Variants in MMD2 observed in about 807,000 individuals in gnomAD.
MMD2 encodes monocyte to macrophage differentiation associated 2.
MMD2 carries 30 observed loss-of-function variants against 33.5 expected under a neutral mutation model. The ratio of observed to expected loss-of-function variants is 0.90; its 90% CI spans 0.67 to 1.22. The LOEUF (loss-of-function observed/expected upper bound fraction) is 1.22. Ranked by LOEUF, MMD2 falls within the 50% of genes most tolerant of loss-of-function variation. MMD2 has a pLI of 0.00. For missense variants in MMD2, 364 were observed against 325.4 expected (o/e 1.12, Z -0.91); for synonymous variants, 129 against 123.0 (o/e 1.05, Z -0.32).
At chr7:4,935,717 T>C (rs1785723431) in intron 1 of MMD2, among the ~76,000 whole-genome samples, 1 of 150,838 alleles carries the variant, frequency 6.6e-6, no homozygotes, top group African/African-American at 2.4e-5. Flanking sequence ...TTGTATACGT[T>C]GATGGTGCTA....
downstream of MMD2, among the ~76,000 whole-genome samples, chr7:4,903,968 T>A (rs887930051): frequency 6.6e-6 from 1 of 152,200 alleles, no homozygotes; most frequent in Non-Finnish European, 1.5e-5. Context: ...GTTTCGCTTT[T>A]GTTGCCCAGG....
At chr7:4,926,070 T>C (rs556508155) in intron 1 of MMD2, among the ~76,000 whole-genome samples, 1 of 151,980 alleles carries the variant, frequency 6.6e-6, no homozygotes, top group Non-Finnish European at 1.5e-5. Flanking sequence ...CCTTCCCAAG[T>C]GCTGGGATTA....
At chr7:4,958,218 A>G (rs1160965701) in intron 1 of MMD2, among the ~76,000 whole-genome samples, 1 of 152,146 alleles carries the variant, frequency 6.6e-6, no homozygotes, top group Non-Finnish European at 1.5e-5. Context: ...CAACTTTAGG[A>G]GGGGATTTTT....
At chr7:4,922,131 C>T (rs1785302174) in intron 2 of MMD2, among the ~76,000 whole-genome samples, 1 of 152,006 alleles carries the variant, frequency 6.6e-6, no homozygotes, top group Non-Finnish European at 1.5e-5. Flanking sequence ...GAGGCTGAGG[C>T]AGGAGAATCG....
At chr7:4,958,394 C>G (rs1213984470) in intron 1 of MMD2, among the ~76,000 whole-genome samples, 1 of 152,130 alleles carries the variant, frequency 6.6e-6, no homozygotes, top group Non-Finnish European at 1.5e-5. Flanking sequence ...ACAAAAGAGA[C>G]GGAGGTTCTG....
intron 1 of MMD2, among the ~76,000 whole-genome samples, chr7:4,932,659 G>A (rs1425101121): frequency 3.1e-4 from 45 of 145,768 alleles, no homozygotes; most frequent in African/African-American, 1.1e-3. Context: ...GTTTTGCTCT[G>A]TCGCCCAGAC....
intron 6 of MMD2, among the ~76,000 whole-genome samples, chr7:4,909,387 G>C (rs1452257861): frequency 6.8e-6 from 1 of 147,652 alleles, no homozygotes; most frequent in East Asian, 2.0e-4. Context: ...CGCCAGACCA[G>C]GAATTCAAGA....
Position 4,921,540 on chromosome 7 carries a change from G to T in MMD2, c.130-1209C>A, listed in dbSNP as rs370414422. 3.3e-5 allele frequency among the ~76,000 whole-genome samples: 5 copies of T among 150,168 alleles called. No individual in the cohort carries two copies. The South Asian group carries it at 8.5e-4, about 26-fold the overall frequency. ...GGAGGCTGAGGCAGGAGAATTGCTT[G>T]AACCCAGGAGGTGGAGATTGCAGTG... On this transcript the variant is annotated intron_variant, in intron 2 of 6. Coordinates refer to ENST00000401401, the MANE Select transcript of MMD2 (RefSeq NM_198403.4).
Position 4,946,186 on chromosome 7 carries a change from C to A in MMD2, c.47+12785G>T, listed in dbSNP as rs371562351. Among the ~76,000 whole-genome samples, 1 of 151,642 alleles carries A rather than the reference C, an allele frequency of 6.6e-6. No individual in the cohort carries two copies. The highest frequency in any genetic ancestry group is 1.9e-4 in the East Asian group (1 of 5,156). Reference sequence around the variant, plus strand: ...ACACCTGCACACATGCACACACACGCGCGCACACCCACACACACGCATGCA... The same window carrying A: ...ACACCTGCACACATGCACACACACGAGCGCACACCCACACACACGCATGCA... On this transcript the variant is annotated intron_variant, in intron 1 of 6. Transcript: ENST00000401401. This position sits in a 1 kb window ranked among gnomAD's most constrained non-coding sequence, Gnocchi z 5.0.
At chr7:4,892,761 G>T in the MMD2 span, among the ~76,000 whole-genome samples, 1 of 151,878 alleles carries the variant, frequency 6.6e-6, no homozygotes, top group African/African-American at 2.4e-5. Context: ...TGTCGTCCAG[G>T]CTGGAGTGCA....
At position 4,907,420 on chromosome 7, in the gene MMD2, G is replaced by A; in HGVS notation, c.717C>T (p.Thr239=). The change falls in exon 7 of 7, where the codon ACC becomes ACT. Residue 239 remains threonine, a synonymous_variant. Transcript: ENST00000401401. ...AIWRYLYLPS[T]LQTKVSK is the part of the protein sequence containing the mutation. ...CTCATTTGGACACCTTGGTCTGCAG[G>A]GTGCTGGGCAGATAGAGGTACCTCC... is the stretch of plus-strand genomic sequence containing the variant. 1 of 1,613,850 alleles carries A rather than the reference G, an allele frequency of 6.2e-7. No homozygotes were observed. The highest frequency in any genetic ancestry group is 1.1e-5 in the South Asian group (1 of 91,064).
intron 3 of MMD2, among the ~76,000 whole-genome samples, chr7:4,918,519 C>T (rs758330207): frequency 4.8e-5 from 7 of 144,564 alleles, no homozygotes; most frequent in South Asian, 2.2e-4. Context: ...ATTCTCACTC[C>T]GTTGCCTTAG....
intron 2 of MMD2, 22 bp downstream of exon 2, chr7:4,925,429 A>T: frequency 6.7e-7 from 1 of 1,501,208 alleles, no homozygotes; most frequent in Non-Finnish European, 9.0e-7. Context: ...CTCAGCCCTG[A>T]GCCCCCCAAA....
At chr7:4,930,270 T>C (rs1312304985) in intron 1 of MMD2, among the ~76,000 whole-genome samples, 1 of 62,840 alleles carries the variant, frequency 1.6e-5, no homozygotes, top group African/African-American at 9.8e-5. Flanking sequence ...AGACTCCATC[T>C]CAAAAAAAAA....
rs1313583394 is a variant in MMD2, at chr7:4,940,375, G to A, written c.48-14843C>T. ...CCTTTCATGAATGAGCCCGGGCCCC[G>A]GAACGCGGCTGCAGCCACCCCTCCC... On this transcript the variant is annotated intron_variant, in intron 1 of 6. Transcript: ENST00000401401. This position sits in a 1 kb window ranked among gnomAD's most constrained non-coding sequence, Gnocchi z 5.0. Among the ~76,000 whole-genome samples, 2 of 152,202 alleles carry A rather than the reference G, an allele frequency of 1.3e-5. No individual in the cohort carries two copies. Among genetic ancestry groups the A allele is most frequent in the Non-Finnish European group, 2.9e-5 (2 of 68,044 alleles).
At chr7:4,898,922 A>G in the MMD2 span, among the ~76,000 whole-genome samples, 3 of 151,864 alleles carry the variant, frequency 2.0e-5, no homozygotes, top group South Asian at 4.2e-4. Flanking sequence ...AAAGAGAGAC[A>G]GAGGAAGGAA....
intron 1 of MMD2, among the ~76,000 whole-genome samples, chr7:4,933,478 C>T (rs1292524769): frequency 1.3e-5 from 2 of 152,146 alleles, no homozygotes; most frequent in Non-Finnish European, 2.9e-5. Flanking sequence ...CCTGTCTTTG[C>T]TCCTGCATCC....
chr7:4,924,110 T>A (rs1439904416), intron 2 of MMD2, among the ~76,000 whole-genome samples: 2 of 152,274 alleles, frequency 1.3e-5, no homozygotes, highest in East Asian at 1.9e-4. Context: ...GAGAATGGCA[T>A]GAACCCAGGA....
the MMD2 span, among the ~76,000 whole-genome samples, chr7:4,900,892 C>T: frequency 6.6e-6 from 1 of 152,170 alleles, no homozygotes; most frequent in Non-Finnish European, 1.5e-5. Flanking sequence ...GTAATCCCAG[C>T]ACTTTGGGAG....
Sources: gnomAD v4.1 joint callset for allele counts (sites outside exome capture counted in the v4.1 genomes callset) on GRCh38, gnomAD v4.1.1 for gene constraint, Gnocchi (gnomAD v3.1) non-coding constraint, MANE v1.5 for transcripts, NCBI Gene and HGNC (gene_info 2026-07-23, HGNC 2026-07-21) for gene names.